The following PCDHA6 variants were observed in gnomAD, a reference collection of about 807,000 sequenced individuals.
PCDHA6 encodes protocadherin alpha 6.
Under a neutral mutation model 60.3 loss-of-function variants are expected in PCDHA6, and 55 were observed. The observed-to-expected ratio is 0.91, with a 90% CI of 0.73 to 1.14. The LOEUF (loss-of-function observed/expected upper bound fraction) is 1.14. PCDHA6 is among the 50% of genes most tolerant of loss of function. The pLI, the probability that PCDHA6 is intolerant of heterozygous loss-of-function variation, is 0.00. For missense variants in PCDHA6, 1,327 were observed against 1,256.5 expected (o/e 1.06, Z -0.85); for synonymous variants, 652 against 557.9 (o/e 1.17, Z -2.38).
intron 1 of PCDHA6, chr5:140,966,480 TC>T: frequency 2.3e-6 from 1 of 431,902 alleles, no homozygotes; most frequent in Admixed American, 4.4e-5. Flanking sequence ...TGTTTCCTTT[TC>T]CCTCCCCCTG....
intron 2 of PCDHA6, among the ~76,000 whole-genome samples, chr5:140,980,777 A>C (rs2096905451): frequency 6.6e-6 from 1 of 152,244 alleles, no homozygotes; most frequent in Non-Finnish European, 1.5e-5. Flanking sequence ...ATTGAAATTA[A>C]AATGCCATTT....
At chr5:140,924,227 TA>T (rs2153571643) in intron 1 of PCDHA6, among the ~76,000 whole-genome samples, 1 of 152,354 alleles carries the variant, frequency 6.6e-6, no homozygotes, top group East Asian at 1.9e-4. Flanking sequence ...GTTCAATTTT[TA>T]TGGGCTGTTT....
At chr5:140,835,895 G>T in intron 1 of PCDHA6, 1 of 1,612,076 alleles carries the variant, frequency 6.2e-7, no homozygotes, top group Non-Finnish European at 8.5e-7. Flanking sequence ...AGCGCGCGCT[G>T]TCGAGCTACG....
In PCDHA6 at chr5:140,843,928, G is replaced by A. The variant is rs1028169690; in HGVS notation, c.2394+13443G>A. 7.7e-5 allele frequency: 45 copies of A among 584,434 alleles called. 4 individuals carry two copies. The highest frequency in any genetic ancestry group is 1.3e-4 in the Non-Finnish European group (44 of 335,490). The allele number at this position is 584,434 out of a possible 1,614,324, so 36.2% of individuals were successfully genotyped here. ...AAGTTGGGTCTATCTTGAAACTCAA[G>A]TTATGGTTGGATGATATCCATTTTT... On this transcript the variant is annotated intron_variant, in intron 1 of 3. Coordinates refer to ENST00000529310, the MANE Select transcript of PCDHA6 (RefSeq NM_018909.4).
At chr5:140,868,091 GATA>G (rs1310708872) in intron 1 of PCDHA6, 1 of 151,974 alleles carries the variant, frequency 6.6e-6, no homozygotes, top group Non-Finnish European at 1.5e-5. Context: ...TTTATAAAAT[GATA>G]ATAAAATTTA....
chr5:140,990,729 C>G (rs2097409512), intron 3 of PCDHA6, among the ~76,000 whole-genome samples: 1 of 152,134 alleles, frequency 6.6e-6, no homozygotes, highest in Non-Finnish European at 1.5e-5. Flanking sequence ...CTAGGTATAT[C>G]AACAGCCCTA....
intron 1 of PCDHA6, chr5:140,860,419 T>G (rs1239021926): frequency 6.6e-6 from 1 of 152,112 alleles, no homozygotes; most frequent in African/African-American, 2.4e-5. Context: ...AACACCATTA[T>G]CCTGCAAATA....
intron 1 of PCDHA6, chr5:140,842,386 A>G (rs1554138984): frequency 1.2e-6 from 2 of 1,611,028 alleles, no homozygotes; most frequent in Non-Finnish European, 1.7e-6. Flanking sequence ...TGACTTCCTT[A>G]TCCTTGCCTG....
rs377069661 is a variant in PCDHA6 at position 140,915,905 on chromosome 5, G to A, written c.2395-63044G>A. ...AGCAAGTTCCCCCTGGCCCTGGGCA[G>A]GCCCAGAGATGCTACTTGGGAGTCA... On this transcript the variant is annotated intron_variant, in intron 1 of 3. Transcript: ENST00000529310. Among the ~76,000 whole-genome samples, 6 of 152,266 alleles carry A rather than the reference G, an allele frequency of 3.9e-5. No individual in the cohort carries two copies. In the East Asian group the frequency reaches 1.2e-3, roughly 29 times the overall value.
At chr5:140,859,799 T>C (rs2046021191) in intron 1 of PCDHA6, 1 of 152,502 alleles carries the variant, frequency 6.6e-6, no homozygotes. Flanking sequence ...AAATTATAGA[T>C]GCTAAGTTAA....
chr5:140,894,572 T>C (rs2064553478), intron 1 of PCDHA6, among the ~76,000 whole-genome samples: 2 of 152,010 alleles, frequency 1.3e-5, no homozygotes, highest in Admixed American at 6.5e-5. Flanking sequence ...TATTTTCCTT[T>C]TTTTTAATAT....
chr5:140,855,992 T>C (rs2043714140), intron 1 of PCDHA6: 2 of 1,492,956 alleles, frequency 1.3e-6, no homozygotes, highest in Admixed American at 4.4e-5. Context: ...AAATGTCAGA[T>C]CGTATGTGCG....
At position 140,982,295 on chromosome 5, in the gene PCDHA6, G is replaced by A. The variant is rs1047633434; in HGVS notation, c.2454-180G>A. ...AGTATAGCAGGCAATAAGTAAGTCA[G>A]CAATGCTTCTGCAGTTTATGCAGGG... On this transcript the variant is annotated intron_variant, in intron 2 of 3. Coordinates refer to ENST00000529310, the MANE Select transcript of PCDHA6 (RefSeq NM_018909.4). The A allele has an allele frequency of 3.4e-6, 4 of 1,160,172 alleles. No homozygotes were observed. In the Admixed American group the frequency reaches 8.4e-5, roughly 25 times the overall value. 71.9% of individuals were successfully genotyped at this position (1,160,172 alleles called of 1,614,324 possible).
chr5:140,896,406 C>CT (rs35238776), intron 1 of PCDHA6, among the ~76,000 whole-genome samples: 1 of 152,100 alleles, frequency 6.6e-6, no homozygotes, highest in Non-Finnish European at 1.5e-5. Flanking sequence ...TTATTTTTGA[C>CT]TTTTTAGTAA....
intron 3 of PCDHA6, among the ~76,000 whole-genome samples, chr5:141,003,829 A>G (rs1220753607): frequency 1.3e-5 from 2 of 152,184 alleles, no homozygotes; most frequent in Admixed American, 6.5e-5. Flanking sequence ...GGCTCTGCCT[A>G]ACGATTCAGA....
intron 1 of PCDHA6, chr5:140,843,207 G>A (rs1778678462): frequency 1.3e-6 from 2 of 1,595,886 alleles, no homozygotes; most frequent in Admixed American, 1.7e-5. Flanking sequence ...CTGTACACGG[G>A]CGAGATCAGC....
intron 1 of PCDHA6, chr5:140,851,022 TA>T: frequency 7.0e-7 from 1 of 1,428,364 alleles, no homozygotes; most frequent in Non-Finnish European, 9.2e-7. Flanking sequence ...TCTGATAAAG[TA>T]AACCCCTTAA....
At chr5:140,980,623 T>C (rs1554242045) in intron 2 of PCDHA6, among the ~76,000 whole-genome samples, 1 of 152,102 alleles carries the variant, frequency 6.6e-6, no homozygotes, top group African/African-American at 2.4e-5. Flanking sequence ...TGCGAGACTC[T>C]GTCTCAGAAG....
intron 1 of PCDHA6, chr5:140,836,868 C>T (rs1321806293): frequency 1.4e-6 from 1 of 730,902 alleles, no homozygotes; most frequent in East Asian, 2.8e-5. Flanking sequence ...TAATGTTATG[C>T]TGTATTTGCA....
Sources: gnomAD v4.1 joint callset for allele counts (sites outside exome capture counted in the v4.1 genomes callset) on GRCh38, gnomAD v4.1.1 for gene constraint, MANE v1.5 for transcripts, NCBI Gene and HGNC (gene_info 2026-07-23, HGNC 2026-07-21) for gene names.